Variants in NPC1 observed in about 807,000 individuals in gnomAD.
NPC1 encodes NPC intracellular cholesterol transporter 1.
In NPC1, 85 loss-of-function variants were observed where a neutral mutation model predicts 140.4. The ratio of observed to expected loss-of-function variants is 0.61; its 90% CI spans 0.51 to 0.72. The LOEUF (loss-of-function observed/expected upper bound fraction) is 0.72. Among genes scored for constraint, NPC1 ranks in the 30% least tolerant of loss-of-function variants. NPC1 has a pLI of 0.00. For synonymous variants in NPC1, 656 were observed against 624.8 expected (o/e 1.05, Z -0.74); for missense variants, 1,504 against 1,623.8 (o/e 0.93, Z 1.27).
chr18:23,561,596 A>C, intron 4 of NPC1, 69 bp from the exon 5 acceptor site: 1 of 1,523,154 alleles, frequency 6.6e-7, no homozygotes, highest in East Asian at 2.3e-5. Context: ...AAGATCTTAC[A>C]AAAGGCCTCT....
chr18:23,520,989 A>T (rs887736704), downstream of NPC1, among the ~76,000 whole-genome samples: 2 of 152,172 alleles, frequency 1.3e-5, no homozygotes, highest in Admixed American at 6.5e-5. Context: ...AAGTGGTGGG[A>T]TTACAGGCAT....
chr18:23,538,598 G>A lies in NPC1; in HGVS notation c.2985C>T (p.Phe995=). 1 of 1,614,202 alleles carries A rather than the reference G, an allele frequency of 6.2e-7. No individual in the cohort carries two copies. The highest frequency in any genetic ancestry group is 8.5e-7 in the Non-Finnish European group (1 of 1,180,020). Residue 995 remains phenylalanine (F), a synonymous_variant, in exon 20 of 25, where the codon TTC becomes TTT. Coordinates refer to ENST00000269228, the MANE Select transcript of NPC1 (RefSeq NM_000271.5). ...EGKQRPQGGD[F]MRFLPMFLSD... ...AAAGGAACATGGGCAGGAATCTCAT[G>A]AAGTCTCCCCCCTGAGGCCTCTGTT... is the stretch of plus-strand genomic sequence containing the variant.
At chr18:23,526,604 A>G (rs746653219), downstream of NPC1, 13 of 1,610,490 alleles carry the variant, frequency 8.1e-6, no homozygotes, top group Admixed American at 2.0e-4. Flanking sequence ...GGTTTGCATC[A>G]TACTGTTTTA....
At chr18:23,518,742 G>GTAAC, downstream of NPC1, 1 of 643,270 alleles carries the variant, frequency 1.6e-6, no homozygotes, top group Non-Finnish European at 2.7e-6. Flanking sequence ...TAGGCTTTGA[G>GTAAC]TAACTGCATG....
In NPC1 at chr18:23,554,761, A is replaced by T. The variant is rs2145446753; in HGVS notation, c.1550T>A (p.Val517Glu). Residue 517 changes from valine (V) to glutamate (E), a missense_variant, in exon 9 of 25, where the codon GTA (valine) becomes GAA (glutamate). By Grantham distance (121) the Val-to-Glu change is moderately radical. Transcript: ENST00000269228. ...ADYHTHFLYC[V>E]RAPASLNDTS... Reference sequence around the variant, plus strand: ...ATGATTGTCTCTTGCCACTTACCGTACGCAGTACAGAAAGTGCGTGTGGTA... The same window carrying T: ...ATGATTGTCTCTTGCCACTTACCGTTCGCAGTACAGAAAGTGCGTGTGGTA... The T allele has an allele frequency of 2.5e-6, 4 of 1,612,788 alleles. No homozygotes were observed. The highest frequency in any genetic ancestry group is 3.4e-6 in the Non-Finnish European group (4 of 1,178,796).
rs756853895 is a variant in NPC1 at position 23,556,614 on chromosome 18, C to T, written c.956-1G>A. On this transcript the variant is annotated splice_acceptor_variant, in intron 7 of 24. Transcript: ENST00000269228. LOFTEE classifies it high-confidence loss of function. ...ACAGGGTCACAGCAGGACGCCTCTC[C>T]TGGAAGAACGGGAGAGGAAGGGAAG... The T allele has an allele frequency of 1.2e-6, 2 of 1,613,860 alleles. No individual in the cohort carries two copies. The highest frequency in any genetic ancestry group is 1.3e-5 in the African/African-American group (1 of 74,918).
rs199856145 is a variant in NPC1 at position 23,544,419 on chromosome 18, A to G, written c.2055T>C (p.Ile685=). ...CCAGGAACGGGATGACTTCAATCAC[A>G]ATGAGGGTCAAGGGCAACCCAATGT... is the stretch of plus-strand genomic sequence containing the variant. ...FSYIGLPLTL[I]VIEVIPFLVL... Residue 685 remains isoleucine (I), a synonymous_variant, in exon 13 of 25, where the codon ATT becomes ATC. Coordinates refer to ENST00000269228, the MANE Select transcript of NPC1 (RefSeq NM_000271.5). The G allele has an allele frequency of 2.7e-5, 44 of 1,614,158 alleles. 1 individual carries two copies. In the Middle Eastern group the frequency reaches 4.9e-4, roughly 18 times the overall value.
At chr18:23,526,231 G>C (rs971013540), downstream of NPC1, among the ~76,000 whole-genome samples, 1 of 152,210 alleles carries the variant, frequency 6.6e-6, no homozygotes, top group Non-Finnish European at 1.5e-5. Flanking sequence ...AAACTAATGA[G>C]CTGTTGTAGG....
intron 14 of NPC1, 39 bp from the exon 15 acceptor site, chr18:23,541,472 C>T (rs1598949162): frequency 2.5e-6 from 4 of 1,613,856 alleles, no homozygotes; most frequent in Non-Finnish European, 3.4e-6. Flanking sequence ...CTTCTGTTTA[C>T]AGCCGGGGGC....
At chr18:23,540,299 C>A (rs1598946316) in intron 17 of NPC1, 149 bp downstream of exon 17, 2 of 682,542 alleles carry the variant, frequency 2.9e-6, no homozygotes, top group Non-Finnish European at 5.1e-6. Flanking sequence ...CAGCAGTGCA[C>A]TGCGACAGTT....
At chr18:23,533,976 T>C (rs749666492) in intron 23 of NPC1, 26 of 316,792 alleles carry the variant, frequency 8.2e-5, no homozygotes, top group Non-Finnish European at 1.1e-4. Flanking sequence ...CAATTGATTA[T>C]CTTTCTTTAT....
At chr18:23,536,013 CAAAG>C (rs936714416) in intron 21 of NPC1, among the ~76,000 whole-genome samples, 4 of 151,908 alleles carry the variant, frequency 2.6e-5, no homozygotes, top group African/African-American at 7.3e-5. Context: ...CACAAAAAAA[CAAAG>C]AATCCTGATC....
At chr18:23,585,383 T>C (rs2059405412) in intron 1 of NPC1, among the ~76,000 whole-genome samples, 1 of 152,194 alleles carries the variant, frequency 6.6e-6, no homozygotes, top group Non-Finnish European at 1.5e-5. Flanking sequence ...TATCCCCTTC[T>C]GAGAACTAAA....
At chr18:23,579,394 A>T (rs1355351373) in intron 1 of NPC1, among the ~76,000 whole-genome samples, 1 of 152,214 alleles carries the variant, frequency 6.6e-6, no homozygotes, top group Admixed American at 6.5e-5. Context: ...GTACAACTGG[A>T]TTATCTAAGT....
chr18:23,515,697 T>A (rs1232558515), intron 3 of NPC1, among the ~76,000 whole-genome samples: 1 of 152,202 alleles, frequency 6.6e-6, no homozygotes. Context: ...CACGCCTGGC[T>A]AATTTTTGTA....
rs190975797 is a variant in NPC1 at position 23,563,879 on chromosome 18, C to T, written c.464-2352G>A. Among the ~76,000 whole-genome samples, 6 of 151,686 alleles carry T rather than the reference C, an allele frequency of 4.0e-5. No homozygotes were observed. The East Asian group carries it at 1.2e-3, about 29-fold the overall frequency. On this transcript the variant is annotated intron_variant, in intron 4 of 24. Transcript: ENST00000269228. ...TGATGACTCATAGTATTGAGCATCT[C>T]TCATGTGCTTGTTGGTCATTTGTAT...
chr18:23,529,090 TCGAAGAA>T, downstream of NPC1: 1 of 1,522,282 alleles, frequency 6.6e-7, no homozygotes, highest in Non-Finnish European at 8.8e-7. Context: ...TGGGTCCACA[TCGAAGAA>T]TTCAGTCCTT....
chr18:23,527,664 G>GTATTGTAT, downstream of NPC1: 1 of 607,866 alleles, frequency 1.6e-6, no homozygotes, highest in Middle Eastern at 2.6e-4. Context: ...GGTCTTTAAA[G>GTATTGTAT]TAGAGTGTCC....
chr18:23,568,273 A>T (rs2059154684), intron 4 of NPC1, among the ~76,000 whole-genome samples: 1 of 152,080 alleles, frequency 6.6e-6, no homozygotes, highest in Non-Finnish European at 1.5e-5. Flanking sequence ...TGGATTCCTA[A>T]GTGCCTTATT....
Sources: allele counts gnomAD v4.1 joint callset (sites outside exome capture counted in the v4.1 genomes callset), GRCh38; gene constraint gnomAD v4.1.1; transcripts MANE v1.5; gene names NCBI Gene and HGNC (gene_info 2026-07-23, HGNC 2026-07-21).